The following EIF4ENIF1 variants were observed in gnomAD, a reference collection of about 807,000 sequenced individuals.
EIF4ENIF1 encodes eukaryotic translation initiation factor 4E nuclear import factor 1.
EIF4ENIF1 carries 23 observed loss-of-function variants against 110.5 expected under a neutral mutation model. The ratio of observed to expected loss-of-function variants is 0.21; its 90% CI spans 0.15 to 0.29. The LOEUF (loss-of-function observed/expected upper bound fraction) is 0.29, where lower values mean the gene tolerates loss of function less well. EIF4ENIF1 is among the 10% of genes least tolerant of loss of function. EIF4ENIF1 has a pLI of 1.00. For synonymous variants in EIF4ENIF1, 440 were observed against 437.0 expected (o/e 1.01, Z -0.09); for missense variants, 1,031 against 1,221.1 (o/e 0.84, Z 2.32).
chr22:31,489,544 G>GCCTCGCGCC (rs1442736468), intron 1 of EIF4ENIF1, 150 bp downstream of exon 1: 1 of 149,364 alleles, frequency 6.7e-6, no homozygotes, highest in Non-Finnish European at 1.5e-5. Flanking sequence ...CGCCTTGCGG[G>GCCTCGCGCC]CCTCGCGCCC....
At chr22:31,481,790 C>T (rs2051825556) in intron 2 of EIF4ENIF1, among the ~76,000 whole-genome samples, 1 of 152,104 alleles carries the variant, frequency 6.6e-6, no homozygotes, top group African/African-American at 2.4e-5. Context: ...GCCTACCAGC[C>T]ACAAATTAGG....
At chr22:31,492,120 C>G (rs1222247146), upstream of EIF4ENIF1, among the ~76,000 whole-genome samples, 1 of 152,154 alleles carries the variant, frequency 6.6e-6, no homozygotes, top group Non-Finnish European at 1.5e-5. Context: ...GGAACACTTA[C>G]ACATGGCCTC....
At chr22:31,449,037 G>C (rs1456910469) in intron 12 of EIF4ENIF1, among the ~76,000 whole-genome samples, 1 of 152,122 alleles carries the variant, frequency 6.6e-6, no homozygotes, top group African/African-American at 2.4e-5. Context: ...TTGAGACAGA[G>C]TCTCGCTCTG....
intron 2 of EIF4ENIF1, among the ~76,000 whole-genome samples, chr22:31,481,775 A>C (rs1018232931): frequency 3.9e-5 from 6 of 152,176 alleles, no homozygotes; most frequent in Non-Finnish European, 5.9e-5. Context: ...TGCTATGACC[A>C]ATTGGCCTAC....
chr22:31,472,334 T>C (rs1223217110), intron 2 of EIF4ENIF1, among the ~76,000 whole-genome samples: 2 of 151,092 alleles, frequency 1.3e-5, no homozygotes, highest in African/African-American at 4.9e-5. Context: ...AGTGGCACAA[T>C]CTTGGCCCAC....
chr22:31,480,396 T>G (rs184554125), intron 2 of EIF4ENIF1, among the ~76,000 whole-genome samples: 3 of 152,346 alleles, frequency 2.0e-5, no homozygotes, highest in Admixed American at 2.0e-4. Flanking sequence ...CAACTATGCA[T>G]TCTGATGGAC....
chr22:31,476,615 C>G (rs2051580734), intron 2 of EIF4ENIF1, among the ~76,000 whole-genome samples: 1 of 152,064 alleles, frequency 6.6e-6, no homozygotes, highest in South Asian at 2.1e-4. Flanking sequence ...AAAATATGGG[C>G]TGGGCACGGT....
intron 10 of EIF4ENIF1, chr22:31,450,886 CACACA>C (rs2050648285): frequency 6.3e-6 from 1 of 158,264 alleles, no homozygotes; most frequent in African/African-American, 2.7e-5. Context: ...CACACACACA[CACACA>C]CACAAAAGAG....
chr22:31,488,360 A>G (rs2052124738), intron 2 of EIF4ENIF1, among the ~76,000 whole-genome samples: 1 of 152,204 alleles, frequency 6.6e-6, no homozygotes, highest in Admixed American at 6.5e-5. Flanking sequence ...GAACTTACAA[A>G]GTATACTGAT....
chr22:31,475,718 G>A (rs911795093), intron 2 of EIF4ENIF1, among the ~76,000 whole-genome samples: 11 of 110,186 alleles, frequency 1.0e-4, no homozygotes. Context: ...GCGAGACTCC[G>A]TTTAAAAAAA....
At chr22:31,485,039 T>C (rs1163757491) in intron 2 of EIF4ENIF1, among the ~76,000 whole-genome samples, 1 of 152,188 alleles carries the variant, frequency 6.6e-6, no homozygotes, top group African/African-American at 2.4e-5. Flanking sequence ...CATTTCAAGC[T>C]CTCTTTAAAG....
At chr22:31,452,120 CAG>C (rs1292828037) in intron 10 of EIF4ENIF1, among the ~76,000 whole-genome samples, 1 of 152,138 alleles carries the variant, frequency 6.6e-6, no homozygotes, top group Non-Finnish European at 1.5e-5. Flanking sequence ...TAATTTAAAA[CAG>C]AATTTAGATT....
chr22:31,463,727 A>G lies in EIF4ENIF1; in HGVS notation c.539T>C (p.Leu180Ser). 1 of 1,613,432 alleles carries G rather than the reference A, an allele frequency of 6.2e-7. No individual in the cohort carries two copies. The highest frequency in any genetic ancestry group is 2.2e-5 in the East Asian group (1 of 44,868). The change falls in exon 5 of 19, where the codon TTG becomes TCG. Residue 180 changes from leucine (L) to serine (S), a missense_variant. This residue lies in a region of EIF4ENIF1 where 704 missense variants were observed against 879.7 expected (regional missense o/e 0.80). Coordinates refer to ENST00000330125, the MANE Select transcript of EIF4ENIF1 (RefSeq NM_019843.4). ...GTCCCTCTCTCGGTCTCTGTCTCTC[A>G]AGTCCCGCAGGTCCTTATCGCTAAG... ...HRLSDKDLRD[L>S]RDRDRERDFK...
chr22:31,466,015 C>A (rs1023530318), intron 4 of EIF4ENIF1, among the ~76,000 whole-genome samples: 1 of 152,202 alleles, frequency 6.6e-6, no homozygotes, highest in Non-Finnish European at 1.5e-5. Flanking sequence ...ATGGCTCATG[C>A]CTGTAATCCC....
chr22:31,474,064 C>CTTT (rs71878640), intron 2 of EIF4ENIF1, among the ~76,000 whole-genome samples: 1 of 145,474 alleles, frequency 6.9e-6, no homozygotes, highest in Non-Finnish European at 1.5e-5. Flanking sequence ...AGTTTTTCCT[C>CTTT]TTTTTTTTTT....
chr22:31,464,702 ATAT>A (rs1569088786), intron 4 of EIF4ENIF1, among the ~76,000 whole-genome samples: 8 of 77,676 alleles, frequency 1.0e-4, no homozygotes, highest in African/African-American at 2.2e-4. Flanking sequence ...AAAAAAAAAT[ATAT>A]ATATATATAT....
At position 31,441,884 on chromosome 22, in the gene EIF4ENIF1, A is replaced by C. The variant is rs367580070; in HGVS notation, c.2441T>G (p.Val814Gly). Residue 814 changes from valine (V) to glycine (G), a missense_variant, in exon 17 of 19, where the codon GTC becomes GGC. Coordinates refer to ENST00000330125, the MANE Select transcript of EIF4ENIF1 (RefSeq NM_019843.4). ...FLRPVHQVPLVPHVPMVRPAH... is the reference protein window; with the variant it reads ...FLRPVHQVPLGPHVPMVRPAH... Reference sequence around the variant, plus strand: ...AGGCCTAACCATAGGGACATGGGGGACAAGGGGAACTTGGTGGACAGGGCG... The same window carrying C: ...AGGCCTAACCATAGGGACATGGGGGCCAAGGGGAACTTGGTGGACAGGGCG... 6.2e-7 allele frequency: 1 copy of C among 1,614,118 alleles called. No homozygotes were observed. The highest frequency in any genetic ancestry group is 1.7e-5 in the Admixed American group (1 of 59,998).
chr22:31,442,648 A>C (rs190957364), intron 16 of EIF4ENIF1, among the ~76,000 whole-genome samples: 1 of 152,204 alleles, frequency 6.6e-6, no homozygotes, highest in Non-Finnish European at 1.5e-5. Flanking sequence ...TCGCTGAATT[A>C]TATTAATTTG....
At chr22:31,480,505 C>G (rs2051772790) in intron 2 of EIF4ENIF1, among the ~76,000 whole-genome samples, 1 of 152,202 alleles carries the variant, frequency 6.6e-6, no homozygotes, top group Non-Finnish European at 1.5e-5. Context: ...CGCCTGTAAT[C>G]CCAGCACTTT....
Sources: allele counts gnomAD v4.1 joint callset (sites outside exome capture counted in the v4.1 genomes callset), GRCh38; gene constraint gnomAD v4.1.1; regional missense constraint gnomAD v4.1.1; transcripts MANE v1.5; gene names NCBI Gene and HGNC (gene_info 2026-07-23, HGNC 2026-07-21).